Variants in TTC28 observed in about 807,000 individuals in gnomAD.
TTC28 encodes the protein tetratricopeptide repeat domain 28, also known as tetratricopeptide repeat protein 28.
In TTC28, 61 loss-of-function variants were observed where a neutral mutation model predicts 198.0. The observed-to-expected ratio is 0.31, with a 90% CI of 0.25 to 0.38. TTC28 has a LOEUF of 0.38. Ranked by LOEUF, TTC28 falls within the 10% of genes least tolerant of loss-of-function variation. The probability of loss-of-function intolerance (pLI) is 1.00; values close to 1 mark genes in which losing one functional copy is unlikely to be tolerated. For missense variants in TTC28, 2,678 were observed against 3,164.0 expected, an observed-to-expected ratio of 0.85 and a Z score of 3.69; for synonymous variants, 1,171 against 1,297.8, an observed-to-expected ratio of 0.90 and a Z score of 2.10.
At chr22:28,438,441 T>G (rs1474290564) in intron 2 of TTC28, among the ~76,000 whole-genome samples, 3 of 152,240 alleles carry the variant, frequency 2.0e-5, no homozygotes. Flanking sequence ...GAGAGCCAGA[T>G]TCACATTTTA....
At chr22:28,483,305 G>A (rs1395772921) in intron 2 of TTC28, among the ~76,000 whole-genome samples, 1 of 152,116 alleles carries the variant, frequency 6.6e-6, no homozygotes, top group African/African-American at 2.4e-5. Context: ...TAAGTACTAT[G>A]AAAAGAAAAG....
At chr22:28,125,877 G>A (rs970811533) in intron 6 of TTC28, among the ~76,000 whole-genome samples, 2 of 152,162 alleles carry the variant, frequency 1.3e-5, no homozygotes, top group African/African-American at 4.8e-5. Context: ...ACAAAAGAAT[G>A]AGTTTTCTCT....
At chr22:28,118,498 A>G (rs958167167) in intron 6 of TTC28, among the ~76,000 whole-genome samples, 3 of 152,208 alleles carry the variant, frequency 2.0e-5, no homozygotes, top group Non-Finnish European at 4.4e-5. Context: ...TTATAATACC[A>G]TATTTTTAGC....
intron 12 of TTC28, among the ~76,000 whole-genome samples, chr22:28,084,421 T>C (rs914058800): frequency 1.3e-5 from 2 of 152,124 alleles, no homozygotes; most frequent in Non-Finnish European, 2.9e-5. Context: ...GGACCTCCAG[T>C]AAACTCCAAC....
chr22:28,105,143 C>A (rs2146892494), intron 8 of TTC28, 136 bp downstream of exon 8: 2 of 889,416 alleles, frequency 2.2e-6, no homozygotes, highest in Non-Finnish European at 3.4e-6. Flanking sequence ...GTTGAACTGA[C>A]AATGTGGCCT....
At chr22:28,585,382 G>A (rs1046455090) in intron 2 of TTC28, among the ~76,000 whole-genome samples, 2 of 152,164 alleles carry the variant, frequency 1.3e-5, no homozygotes, top group Admixed American at 6.5e-5. Context: ...ATTATCATAG[G>A]GAGCACCAAC....
intron 2 of TTC28, among the ~76,000 whole-genome samples, chr22:28,326,143 G>A (rs1001714471): frequency 6.6e-6 from 1 of 152,072 alleles, no homozygotes; most frequent in African/African-American, 2.4e-5. Context: ...TGAAACACAA[G>A]TAAGCAACAA....
intron 2 of TTC28, among the ~76,000 whole-genome samples, chr22:28,375,638 A>C (rs933460010): frequency 6.6e-6 from 1 of 152,176 alleles, no homozygotes; most frequent in African/African-American, 2.4e-5. Flanking sequence ...TTAGGTGTCA[A>C]TTTGACAAGA....
chr22:28,336,255 G>A (rs1286550558), intron 2 of TTC28, among the ~76,000 whole-genome samples: 1 of 152,064 alleles, frequency 6.6e-6, no homozygotes, highest in Non-Finnish European at 1.5e-5. Flanking sequence ...ATTTTATTGA[G>A]GATTTTTGCA....
intron 2 of TTC28, among the ~76,000 whole-genome samples, chr22:28,447,435 C>T (rs1239390187): frequency 1.3e-5 from 2 of 152,184 alleles, no homozygotes; most frequent in Non-Finnish European, 2.9e-5. Flanking sequence ...TCTAAAGCAT[C>T]CTAACAGGCC....
intron 2 of TTC28, among the ~76,000 whole-genome samples, chr22:28,371,746 T>C (rs2046340885): frequency 6.8e-6 from 1 of 146,456 alleles, no homozygotes; most frequent in African/African-American, 2.5e-5. Flanking sequence ...CATGCCCGGC[T>C]AATTTTTGAA....
intron 2 of TTC28, among the ~76,000 whole-genome samples, chr22:28,347,909 A>AT (rs1195978861): frequency 6.6e-6 from 1 of 152,210 alleles, no homozygotes; most frequent in African/African-American, 2.4e-5. Context: ...TGTCTTACAT[A>AT]TTTTGAGGAA....
chr22:28,554,466 C>G (rs1221974371), intron 2 of TTC28, among the ~76,000 whole-genome samples: 3 of 151,964 alleles, frequency 2.0e-5, no homozygotes, highest in South Asian at 2.1e-4. Flanking sequence ...CTTCTAGACA[C>G]TGGCTTAGGC....
chr22:28,469,348 G>A (rs374099894), intron 2 of TTC28, among the ~76,000 whole-genome samples: 3 of 152,198 alleles, frequency 2.0e-5, no homozygotes, highest in Non-Finnish European at 4.4e-5. Context: ...AGAAAGAAAA[G>A]TAGCAGTAAG....
chr22:28,544,785 ACCAGTGC>A (rs1385008181), intron 2 of TTC28, among the ~76,000 whole-genome samples: 1 of 152,164 alleles, frequency 6.6e-6, no homozygotes, highest in Non-Finnish European at 1.5e-5. Context: ...AGACACTCCT[ACCAGTGC>A]CATAACAGTT....
rs532930492 is a variant in TTC28, at chr22:28,360,791, C to A, written c.382-54148G>T. ...AAATTGAAGTTTTGTGACAACCCTG[C>A]ATTGAGCAAGTCTATTGGCACCATT... On this transcript the variant is annotated intron_variant, in intron 2 of 22. Transcript: ENST00000397906. Among the ~76,000 whole-genome samples the A allele has an allele frequency of 1.1e-4, 17 of 152,312 alleles. 1 individual carries two copies. The highest frequency in any genetic ancestry group is 3.8e-4 in the African/African-American group (16 of 41,582).
At chr22:28,338,668 G>A (rs978639709) in intron 2 of TTC28, among the ~76,000 whole-genome samples, 2 of 152,018 alleles carry the variant, frequency 1.3e-5, no homozygotes, top group African/African-American at 2.4e-5. Context: ...TGTAGTTCTC[G>A]TGCCGTGGTT....
At chr22:28,176,554 C>T (rs1399098797) in intron 5 of TTC28, among the ~76,000 whole-genome samples, 2 of 152,216 alleles carry the variant, frequency 1.3e-5, no homozygotes, top group East Asian at 3.9e-4. Flanking sequence ...TACAAAACAG[C>T]TAGAAGAGAA....
At chr22:28,564,345 GA>G (rs2049937811) in intron 2 of TTC28, among the ~76,000 whole-genome samples, 1 of 152,008 alleles carries the variant, frequency 6.6e-6, no homozygotes. Flanking sequence ...ACTTAAGGTT[GA>G]AATCAGATGT....
Sources: gnomAD v4.1 joint callset for allele counts (sites outside exome capture counted in the v4.1 genomes callset) on GRCh38, gnomAD v4.1.1 for gene constraint, MANE v1.5 for transcripts, NCBI Gene and HGNC (gene_info 2026-07-23, HGNC 2026-07-21) for gene names.